SEL1L: variants seen among roughly 807,000 people sequenced by gnomAD.
SEL1L encodes SEL1L adaptor subunit of SYVN1 ubiquitin ligase.
SEL1L carries 52 observed loss-of-function variants against 109.8 expected under a neutral mutation model. The observed-to-expected ratio is 0.47, with a 90% confidence interval of 0.38 to 0.60. The LOEUF is 0.60. Among genes scored for constraint, SEL1L ranks in the 20% least tolerant of loss-of-function variants. SEL1L has a pLI of 0.00. For synonymous variants in SEL1L, 373 were observed against 339.6 expected, an observed-to-expected ratio of 1.10 and a Z score of -1.08; for missense variants, 749 against 962.2, an observed-to-expected ratio of 0.78 and a Z score of 2.93.
rs1243882771 is a variant in SEL1L at position 81,497,875 on chromosome 14, G to C, written c.1128+17C>G. The C allele has an allele frequency of 6.2e-7, 1 of 1,608,174 alleles. No individual in the cohort carries two copies. The highest frequency in any genetic ancestry group is 8.5e-7 in the Non-Finnish European group (1 of 1,176,840). The stretch of plus-strand genomic sequence containing the variant: ...ACAATGCAGTAAAGATATTTGGTGA[G>C]ATGTTCAAACACGTACCTGTGCTTG... On this transcript the variant is annotated intron_variant, in intron 10 of 20. Coordinates refer to ENST00000336735, the MANE Select transcript of SEL1L (RefSeq NM_005065.6).
rs1385449314 is a variant in SEL1L at position 81,484,286 on chromosome 14, T to C, written c.1985A>G (p.His662Arg). 3 of 1,614,168 alleles carry C rather than the reference T, an allele frequency of 1.9e-6. No individual in the cohort carries two copies. The highest frequency in any genetic ancestry group is 1.1e-5 in the South Asian group (1 of 91,088). Residue 662 changes from histidine (H) to arginine (R), a missense_variant, in exon 19 of 21, where the codon CAC becomes CGC. By Grantham distance (29) the His-to-Arg change is conservative. Transcript: ENST00000336735. ...CAGATTAAACATAGCTTGTGCACTGTGTTGCTGCTCAGAAGCCAGACGGTA... is the reference window on the plus strand; with the variant it reads ...CAGATTAAACATAGCTTGTGCACTGCGTTGCTGCTCAGAAGCCAGACGGTA... Reference protein sequence around the residue: ...IHYRLASEQQHSAQAMFNLGY... With the variant: ...IHYRLASEQQRSAQAMFNLGY...
intron 20 of SEL1L, 34 bp downstream of exon 20, chr14:81,479,578 T>C: frequency 5.1e-6 from 8 of 1,580,516 alleles, no homozygotes; most frequent in Non-Finnish European, 6.9e-6. Flanking sequence ...TTCCATCATT[T>C]ATATTTTAAT....
chr14:81,533,781 C>T lies in SEL1L; in HGVS notation c.-37G>A. The T allele has an allele frequency of 4.4e-6, 7 of 1,596,848 alleles. No individual in the cohort carries two copies. The highest frequency in any genetic ancestry group is 1.7e-4 in the Middle Eastern group (1 of 6,042). Reference sequence around the variant, plus strand: ...GGCCGGTGCCAACCCCTAGAGCTGTCGCCTTCGCCTCTGCCACCACGGACT... The same window carrying T: ...GGCCGGTGCCAACCCCTAGAGCTGTTGCCTTCGCCTCTGCCACCACGGACT... On this transcript the variant is annotated 5_prime_UTR_variant, in exon 1 of 21. Coordinates refer to ENST00000336735, the MANE Select transcript of SEL1L (RefSeq NM_005065.6).
Position 81,473,679 on chromosome 14 carries a change from T to G in SEL1L, c.*3293A>C, listed in dbSNP as rs1468444688. ...GGGGCTGTTTTCATGACACATCTTG[T>G]TTTGAAATGTGCATGTGAAATGTTA... is the stretch of plus-strand genomic sequence containing the variant. On this transcript the variant is annotated 3_prime_UTR_variant, in exon 21 of 21. Transcript: ENST00000336735. 2.0e-5 allele frequency: 3 copies of G among 152,148 alleles called. No individual in the cohort carries two copies. Among genetic ancestry groups the G allele is most frequent in the African/African-American group, 7.2e-5 (3 of 41,444 alleles). 9.4% of individuals were successfully genotyped at this position (152,148 alleles called of 1,614,324 possible). A position where few individuals can be genotyped will look rare whatever the true frequency, so the allele number is the denominator to read the frequency against.
chr14:81,477,689 T>C (rs1365175961), intron 20 of SEL1L, among the ~76,000 whole-genome samples: 1 of 152,038 alleles, frequency 6.6e-6, no homozygotes, highest in Non-Finnish European at 1.5e-5. Context: ...GGCGGGTGCA[T>C]GTAATCCCAG....
In SEL1L at chr14:81,484,284, T is replaced by C. The variant is rs1167403534; in HGVS notation, c.1987A>G (p.Ser663Gly). The C allele has an allele frequency of 6.2e-7, 1 of 1,614,172 alleles. No homozygotes were observed. The highest frequency in any genetic ancestry group is 8.5e-7 in the Non-Finnish European group (1 of 1,179,996). ...CCCAGATTAAACATAGCTTGTGCAC[T>C]GTGTTGCTGCTCAGAAGCCAGACGG... ...HYRLASEQQH[S>G]AQAMFNLGYM... Residue 663 changes from serine (S) to glycine (G), a missense_variant, in exon 19 of 21, where the codon AGT (serine) becomes GGT (glycine). Physicochemically the swap from Ser to Gly is moderately conservative, Grantham distance 56 (BLOSUM62 0). Transcript: ENST00000336735.
intron 6 of SEL1L, among the ~76,000 whole-genome samples, chr14:81,501,826 T>A (rs933328967): frequency 2.0e-5 from 3 of 152,136 alleles, no homozygotes; most frequent in African/African-American, 7.2e-5. Flanking sequence ...TAATGTAGTC[T>A]AGCCAAAAAT....
chr14:81,515,024 C>G (rs768694259), intron 3 of SEL1L, among the ~76,000 whole-genome samples: 1 of 152,142 alleles, frequency 6.6e-6, no homozygotes, highest in Non-Finnish European at 1.5e-5. Flanking sequence ...AATTTACATC[C>G]CACAGGAGGA....
chr14:81,514,227 T>C (rs898108149), intron 3 of SEL1L, among the ~76,000 whole-genome samples: 1 of 152,186 alleles, frequency 6.6e-6, no homozygotes, highest in Non-Finnish European at 1.5e-5. Flanking sequence ...CTCCTCAGGG[T>C]AGCAGGCCTA....
chr14:81,486,648 TAA>T (rs373650913), intron 16 of SEL1L, among the ~76,000 whole-genome samples, 194 bp from the exon 17 acceptor site: 4,663 of 143,248 alleles, frequency 0.033, 247 homozygotes, highest in African/African-American at 0.11. Context: ...AACAGGTTTA[TAA>T]AAAAAAAAAA....
chr14:81,509,013 CTTCATCAA>C (rs1884354654), intron 3 of SEL1L, among the ~76,000 whole-genome samples: 1 of 152,202 alleles, frequency 6.6e-6, no homozygotes, highest in Non-Finnish European at 1.5e-5. Flanking sequence ...GAGGCACTTG[CTTCATCAA>C]TTTAGTCAAA....
chr14:81,524,412 A>G (rs190605420), intron 3 of SEL1L, among the ~76,000 whole-genome samples: 172 of 152,284 alleles, frequency 1.1e-3, no homozygotes, highest in Non-Finnish European at 2.2e-3. Context: ...ACAGAACCAA[A>G]TCTACCCATG....
chr14:81,485,779 A>G, intron 17 of SEL1L, 33 bp from the exon 18 acceptor site: 2 of 1,591,822 alleles, frequency 1.3e-6, no homozygotes, highest in Non-Finnish European at 1.7e-6. Context: ...CAAATCAGGC[A>G]TTTAAGAAAA....
chr14:81,492,415 C>T, intron 12 of SEL1L, 65 bp downstream of exon 12: 2 of 1,138,984 alleles, frequency 1.8e-6, no homozygotes, highest in Non-Finnish European at 2.6e-6. Context: ...ATCCTGAACA[C>T]AATACATGCT....
chr14:81,492,129 C>T (rs954077520), intron 12 of SEL1L, among the ~76,000 whole-genome samples: 2 of 151,640 alleles, frequency 1.3e-5, no homozygotes, highest in African/African-American at 4.9e-5. Flanking sequence ...GTAGCTGGGA[C>T]TACAGGCGCC....
rs1052405300 is a variant in SEL1L at position 81,530,365 on chromosome 14, C to T, written c.71-2627G>A. On this transcript the variant is annotated intron_variant, in intron 1 of 20. Coordinates refer to ENST00000336735, the MANE Select transcript of SEL1L (RefSeq NM_005065.6). ...CTGACACATGGTTCAGTAACAAAAGCTTGCTCAGCCTCTGTTTCTCAATCT... is the reference window on the plus strand; with the variant it reads ...CTGACACATGGTTCAGTAACAAAAGTTTGCTCAGCCTCTGTTTCTCAATCT... Among the ~76,000 whole-genome samples, 29 of 152,192 alleles carry T rather than the reference C, an allele frequency of 1.9e-4. 1 individual carries two copies. Among genetic ancestry groups the T allele is most frequent in the Non-Finnish European group, 2.4e-4 (16 of 68,028 alleles).
At chr14:81,509,829 A>C (rs190344336) in intron 3 of SEL1L, among the ~76,000 whole-genome samples, 207 of 152,340 alleles carry the variant, frequency 1.4e-3, no homozygotes, top group Non-Finnish European at 4.6e-4. Flanking sequence ...GTTTACTTAA[A>C]AAAATGCTCC....
chr14:81,499,254 G>A (rs116890589), intron 8 of SEL1L: 20,836 of 1,236,052 alleles, frequency 0.017, 223 homozygotes, highest in African/African-American at 0.048. Flanking sequence ...TCATTTTAAA[G>A]AAAAATTGTG....
chr14:81,512,858 A>T (rs899514939), intron 3 of SEL1L, among the ~76,000 whole-genome samples: 7 of 152,248 alleles, frequency 4.6e-5, no homozygotes, highest in Non-Finnish European at 8.8e-5. Flanking sequence ...TATTGAGATG[A>T]TATGCAGAAA....
Sources: gnomAD v4.1 joint callset for allele counts (sites outside exome capture counted in the v4.1 genomes callset) on GRCh38, gnomAD v4.1.1 for gene constraint, MANE v1.5 for transcripts, NCBI Gene and HGNC (gene_info 2026-07-23, HGNC 2026-07-21) for gene names.